ACVRL1: variants seen among roughly 807,000 people sequenced by gnomAD.
The protein encoded by ACVRL1 is activin A receptor like type 1, also known as activin receptor type-1-like.
Under a neutral mutation model 51.9 loss-of-function variants are expected in ACVRL1, and 20 were observed. That is an observed-to-expected ratio of 0.39 (90% CI 0.27 to 0.56). The LOEUF (loss-of-function observed/expected upper bound fraction) is 0.56, where lower values mean the gene tolerates loss of function less well. Among genes scored for constraint, ACVRL1 ranks in the 20% least tolerant of loss-of-function variants. The pLI is 0.67. For missense variants in ACVRL1, 451 were observed against 670.3 expected, an observed-to-expected ratio of 0.67 and a Z score of 3.61; for synonymous variants, 288 against 280.9, an observed-to-expected ratio of 1.03 and a Z score of -0.25.
At position 51,914,184 on chromosome 12, in the gene ACVRL1, A is replaced by C. The variant is rs1206673004; in HGVS notation, c.625+111A>C. ...CAGGCGGTGCCAGGCCTGGGTCAGA[A>C]TTGGAATTCTGCTGGGCAGGGAGTG... On this transcript the variant is annotated intron_variant, in intron 5 of 9. Transcript: ENST00000388922. 3 of 948,822 alleles carry C rather than the reference A, an allele frequency of 3.2e-6. No homozygotes were observed. In the African/African-American group the frequency reaches 4.7e-5, roughly 15 times the overall value. 58.8% of individuals were successfully genotyped at this position (948,822 alleles called of 1,614,324 possible).
At chr12:51,920,374 G>T (rs547537708) in intron 9 of ACVRL1, among the ~76,000 whole-genome samples, 19 of 152,300 alleles carry the variant, frequency 1.2e-4, no homozygotes, top group African/African-American at 4.3e-4. Context: ...GCAAAGGTGG[G>T]GATGGGGGTA....
intron 1 of ACVRL1, among the ~76,000 whole-genome samples, chr12:51,911,178 C>T (rs1212418108): frequency 2.0e-5 from 3 of 152,212 alleles, no homozygotes; most frequent in Admixed American, 2.0e-4. Flanking sequence ...GCTGTCTGAC[C>T]AGGGTCCTTC....
At position 51,920,937 on chromosome 12, in the gene ACVRL1, GGT is replaced by G; in HGVS notation, c.*46_*47del. ...CTTTCTGCCTGCAGGGGGCTGGGGG[GGT>G]GGGGGGCAGTGGATGGTGCCCTATC... On this transcript the variant is annotated 3_prime_UTR_variant, in exon 10 of 10. Transcript: ENST00000388922. 1 of 1,150,628 alleles carries G rather than the reference GGT, an allele frequency of 8.7e-7. No individual in the cohort carries two copies. Among genetic ancestry groups the G allele is most frequent in the Non-Finnish European group, 1.3e-6 (1 of 790,042 alleles). The allele number at this position is 1,150,628 out of a possible 1,614,324, so 71.3% of individuals were successfully genotyped here.
At chr12:51,918,855 C>A in intron 8 of ACVRL1, 130 bp from the exon 9 acceptor site, 1 of 1,298,546 alleles carries the variant, frequency 7.7e-7, no homozygotes, top group Non-Finnish European at 1.1e-6. Context: ...TATACTGTCC[C>A]TCTCAGGGGT....
chr12:51,916,872 G>A (rs559298070), intron 8 of ACVRL1, among the ~76,000 whole-genome samples: 56 of 152,306 alleles, frequency 3.7e-4, no homozygotes, highest in Middle Eastern at 3.4e-3. Flanking sequence ...TACTCGGGAG[G>A]CTGAGGCAGG....
intron 9 of ACVRL1, chr12:51,919,365 G>GTC (rs150913465): frequency 0.078 from 10,510 of 135,228 alleles, 130 homozygotes; most frequent in East Asian, 0.16. Context: ...CTGTGGCTCT[G>GTC]TGTGTGTGTG....
chr12:51,912,530 C>G lies in ACVRL1; in HGVS notation c.56C>G (p.Thr19Ser). The change falls in exon 2 of 10, where the codon ACC becomes AGC. Residue 19 changes from threonine (T) to serine (S), a missense_variant. By Grantham distance (58) the Thr-to-Ser change is moderately conservative. Transcript: ENST00000388922. ...GLLMLLMALV[T>S]QGDPVKPSRG... ...CTGATGCTGCTGATGGCCTTGGTGA[C>G]CCAGGGTGAGTACTGGGGGAGCAGT... is the stretch of plus-strand genomic sequence containing the variant. 1 of 1,613,068 alleles carries G rather than the reference C, an allele frequency of 6.2e-7. No individual in the cohort carries two copies. Among genetic ancestry groups the G allele is most frequent in the Non-Finnish European group, 8.5e-7 (1 of 1,179,054 alleles).
Position 51,917,987 on chromosome 12 carries a change from G to C in ACVRL1, c.1247-998G>C, listed in dbSNP as rs1034413777. 6.6e-6 allele frequency among the ~76,000 whole-genome samples: 1 copy of C among 152,242 alleles called. No homozygotes were observed. Reference sequence around the variant, plus strand: ...GTGCAGCACTGATTAGGGCGTGAGCGGCACAGGGGCCGGCCTGGAAGCTGG... The same window carrying C: ...GTGCAGCACTGATTAGGGCGTGAGCCGCACAGGGGCCGGCCTGGAAGCTGG... On this transcript the variant is annotated intron_variant, in intron 8 of 9. Coordinates refer to ENST00000388922, the MANE Select transcript of ACVRL1 (RefSeq NM_000020.3). This position sits in a 1 kb window ranked among gnomAD's most constrained non-coding sequence, Gnocchi z 4.2.
intron 7 of ACVRL1, chr12:51,915,823 G>A: frequency 1.5e-6 from 1 of 646,970 alleles, no homozygotes; most frequent in Non-Finnish European, 2.6e-6. Flanking sequence ...CTCACATCTC[G>A]CTGGGTTCTT....
chr12:51,916,360 T>C (rs1940842385), intron 8 of ACVRL1, 127 bp downstream of exon 8: 20 of 974,622 alleles, frequency 2.1e-5, no homozygotes, highest in Middle Eastern at 6.0e-4. Context: ...CCTTCCATGC[T>C]GCCCACCAGC....
Position 51,921,438 on chromosome 12 carries a change from T to C in ACVRL1, c.*545T>C. The stretch of plus-strand genomic sequence containing the variant: ...GCTCCATGATGCCTTGGGCTTTCTG[T>C]CTCCTCAACAAGAGTGCAGCTTGCT... On this transcript the variant is annotated 3_prime_UTR_variant, in exon 10 of 10. Coordinates refer to ENST00000388922, the MANE Select transcript of ACVRL1 (RefSeq NM_000020.3). The C allele has an allele frequency of 5.4e-6, 1 of 184,956 alleles. No individual in the cohort carries two copies. The highest frequency in any genetic ancestry group is 2.3e-5 in the African/African-American group (1 of 42,586). The allele number at this position is 184,956 out of a possible 1,614,324, so 11.5% of individuals were successfully genotyped here. A position where few individuals can be genotyped will look rare whatever the true frequency, so the allele number is the denominator to read the frequency against.
chr12:51,916,278 G>A (rs752849239), intron 8 of ACVRL1, 45 bp downstream of exon 8: 42 of 1,594,968 alleles, frequency 2.6e-5, no homozygotes, highest in Non-Finnish European at 3.5e-5. Flanking sequence ...GAATCAGCCT[G>A]TGGAGCCAGG....
At position 51,920,710 on chromosome 12, in the gene ACVRL1, C is replaced by T. The variant is rs189657262; in HGVS notation, c.1378-49C>T. ...TCTCCCGACCCCCTCCTCTTCTCTGCATCTCTCTCTCTGCCTCCTCTCCTC... is the reference window on the plus strand; with the variant it reads ...TCTCCCGACCCCCTCCTCTTCTCTGTATCTCTCTCTCTGCCTCCTCTCCTC... On this transcript the variant is annotated intron_variant, in intron 9 of 9. Transcript: ENST00000388922. 371 of 1,605,192 alleles carry T rather than the reference C, an allele frequency of 2.3e-4. 5 individuals are homozygous for T. In the Admixed American group the frequency reaches 6.1e-3, roughly 27 times the overall value.
chr12:51,913,276 G>A lies in ACVRL1; in HGVS notation c.239G>A (p.Arg80His), dbSNP rs779706773. ...TTGCACAGGGAGCTCTGCAGGGGGCGCCCCACCGAGTTCGTCAACCACTAC... is the reference window on the plus strand; with the variant it reads ...TTGCACAGGGAGCTCTGCAGGGGGCACCCCACCGAGTTCGTCAACCACTAC... ...GNLHRELCRGRPTEFVNHYCC... is the reference protein window; with the variant it reads ...GNLHRELCRGHPTEFVNHYCC... Residue 80 changes from arginine (R) to histidine (H), a missense_variant, in exon 3 of 10, where the codon CGC becomes CAC. Around this residue, in one of 2 missense-constraint regions of ACVRL1, gnomAD observed 192 missense variants for 216.9 expected, o/e 0.89. Transcript: ENST00000388922. 4.4e-6 allele frequency: 7 copies of A among 1,601,824 alleles called. No homozygotes were observed. The highest frequency in any genetic ancestry group is 4.5e-5 in the East Asian group (2 of 44,392).
Position 51,922,479 on chromosome 12 carries a change from C to G in ACVRL1, c.*1586C>G, listed in dbSNP as rs1941006485. ...CTGGCCCCTGGCTCAGGCCCACACC[C>G]CTGGCCAGGCCCAGAGAGTGTGTCT... On this transcript the variant is annotated 3_prime_UTR_variant, in exon 10 of 10. Transcript: ENST00000388922. The G allele has an allele frequency of 6.6e-6, 1 of 152,402 alleles. No homozygotes were observed. Among genetic ancestry groups the G allele is most frequent in the East Asian group, 1.9e-4 (1 of 5,190 alleles). The allele number at this position is 152,402 out of a possible 1,614,324, so 9.4% of individuals were successfully genotyped here.
In ACVRL1 at chr12:51,913,258, G is replaced by C; in HGVS notation, c.221G>C (p.Arg74Thr). The C allele has an allele frequency of 1.3e-6, 2 of 1,595,980 alleles. No individual in the cohort carries two copies. The highest frequency in any genetic ancestry group is 1.7e-6 in the Non-Finnish European group (2 of 1,171,234). The change falls in exon 3 of 10, where the codon AGG (arginine) becomes ACG (threonine). Residue 74 changes from arginine (R) to threonine (T), a missense_variant. By Grantham distance (71) the Arg-to-Thr change is moderately conservative. This residue lies in a region of ACVRL1 where 192 missense variants were observed against 216.9 expected (regional missense o/e 0.89). Coordinates refer to ENST00000388922, the MANE Select transcript of ACVRL1 (RefSeq NM_000020.3). ...QEHRGCGNLH[R>T]ELCRGRPTEF... is the part of the protein sequence containing the mutation. ...CATCGGGGCTGCGGGAACTTGCACA[G>C]GGAGCTCTGCAGGGGGCGCCCCACC...
chr12:51,913,673 T>C lies in ACVRL1; in HGVS notation c.428T>C (p.Val143Ala). The C allele has an allele frequency of 6.2e-7, 1 of 1,610,142 alleles. No individual in the cohort carries two copies. Among genetic ancestry groups the C allele is most frequent in the Non-Finnish European group, 8.5e-7 (1 of 1,179,992 alleles). ...CTGGGTGTCCTGGGCCTGTGGCATGTCCGACGGAGGCAGGAGAAGCAGCGT... is the reference window on the plus strand; with the variant it reads ...CTGGGTGTCCTGGGCCTGTGGCATGCCCGACGGAGGCAGGAGAAGCAGCGT... ...VALGVLGLWHVRRRQEKQRGL... is the reference protein window; with the variant it reads ...VALGVLGLWHARRRQEKQRGL... The change falls in exon 4 of 10, where the codon GTC becomes GCC. Residue 143 changes from valine (V) to alanine (A), a missense_variant. Around this residue, in one of 2 missense-constraint regions of ACVRL1, gnomAD observed 192 missense variants for 216.9 expected, o/e 0.89. Coordinates refer to ENST00000388922, the MANE Select transcript of ACVRL1 (RefSeq NM_000020.3).
intron 9 of ACVRL1, among the ~76,000 whole-genome samples, chr12:51,920,250 C>T (rs1565597145): frequency 6.6e-6 from 1 of 152,194 alleles, no homozygotes; most frequent in Non-Finnish European, 1.5e-5. Flanking sequence ...CTGGGCCCAG[C>T]CATGGCTGAT....
chr12:51,914,155 A>C (rs1940769362), intron 5 of ACVRL1, 82 bp downstream of exon 5: 1 of 1,471,302 alleles, frequency 6.8e-7, no homozygotes, highest in African/African-American at 1.4e-5. Context: ...GGCTACTGGA[A>C]TCACAGGCGG....
Sources: gnomAD v4.1 joint callset for allele counts (sites outside exome capture counted in the v4.1 genomes callset) on GRCh38, gnomAD v4.1.1 for gene constraint, gnomAD v4.1.1 regional missense constraint, Gnocchi (gnomAD v3.1) non-coding constraint, MANE v1.5 for transcripts, NCBI Gene and HGNC (gene_info 2026-07-23, HGNC 2026-07-21) for gene names.